JAZF1: variants seen among roughly 807,000 people sequenced by gnomAD.
JAZF1 encodes JAZF zinc finger 1.
A neutral mutation model predicts 26.4 loss-of-function variants in JAZF1; 8 were observed. That is an observed-to-expected ratio of 0.30 (90% CI 0.18 to 0.55). The LOEUF is 0.55. JAZF1 is among the 20% of genes least tolerant of loss of function. JAZF1 has a pLI of 0.94. For missense variants in JAZF1, 199 were observed against 322.0 expected, an observed-to-expected ratio of 0.62 and a Z score of 2.92; for synonymous variants, 126 against 122.3, an observed-to-expected ratio of 1.03 and a Z score of -0.20.
At chr7:27,946,804 G>C (rs887840689) in intron 2 of JAZF1, among the ~76,000 whole-genome samples, 5 of 152,198 alleles carry the variant, frequency 3.3e-5, no homozygotes, top group Non-Finnish European at 7.3e-5. Context: ...ATAGAGTTCT[G>C]AATCCAAAGG....
intron 3 of JAZF1, among the ~76,000 whole-genome samples, chr7:27,868,409 C>T (rs1267391029): frequency 2.0e-5 from 3 of 152,236 alleles, no homozygotes; most frequent in African/African-American, 7.2e-5. Context: ...GCTTCTCCCG[C>T]TCCCATCCCC....
chr7:28,013,099 T>C (rs1298853790), intron 1 of JAZF1, among the ~76,000 whole-genome samples: 1 of 152,178 alleles, frequency 6.6e-6, no homozygotes, highest in African/African-American at 2.4e-5. Context: ...CTCCTTGCTA[T>C]AGCCCCAGTG....
chr7:27,880,849 G>A (rs1223455785), intron 3 of JAZF1, among the ~76,000 whole-genome samples: 1 of 152,086 alleles, frequency 6.6e-6, no homozygotes, highest in Non-Finnish European at 1.5e-5. Context: ...ACAGTTATTT[G>A]CAGAGACAGG....
At chr7:28,061,431 T>C (rs185074829) in intron 1 of JAZF1, among the ~76,000 whole-genome samples, 13 of 152,346 alleles carry the variant, frequency 8.5e-5, no homozygotes, top group African/African-American at 3.1e-4. Context: ...TGCATAACAA[T>C]GAATGGCAGA....
chr7:27,836,373 A>G (rs1341476665), intron 4 of JAZF1, among the ~76,000 whole-genome samples: 1 of 152,196 alleles, frequency 6.6e-6, no homozygotes, highest in East Asian at 1.9e-4. Flanking sequence ...GCCAGTCAAT[A>G]GACAGCAGGC....
intron 1 of JAZF1, among the ~76,000 whole-genome samples, chr7:28,034,910 A>G (rs1377407982): frequency 6.6e-6 from 1 of 152,174 alleles, no homozygotes; most frequent in Non-Finnish European, 1.5e-5. Flanking sequence ...ATTTTTTACT[A>G]TCCTGTATAT....
chr7:27,957,200 C>A (rs6968362), intron 2 of JAZF1, among the ~76,000 whole-genome samples: 1 of 152,200 alleles, frequency 6.6e-6, no homozygotes, highest in African/African-American at 2.4e-5. Flanking sequence ...GAACAGCAGC[C>A]AGACCCTGAC....
intron 1 of JAZF1, among the ~76,000 whole-genome samples, chr7:28,119,730 T>C (rs1316866416): frequency 6.6e-6 from 1 of 152,224 alleles, no homozygotes; most frequent in Non-Finnish European, 1.5e-5. Context: ...ATTAATCATT[T>C]CATTAACTCA....
chr7:27,851,250 A>C (rs1376385242), intron 3 of JAZF1, among the ~76,000 whole-genome samples: 1 of 152,256 alleles, frequency 6.6e-6, no homozygotes, highest in Non-Finnish European at 1.5e-5. Flanking sequence ...GCCTAAAATA[A>C]AATGTTCTAA....
intron 4 of JAZF1, 26 bp from the exon 5 acceptor site, chr7:27,833,002 T>TA: frequency 6.6e-7 from 1 of 1,518,512 alleles, no homozygotes; most frequent in Non-Finnish European, 8.9e-7. Context: ...AAATATTTAT[T>TA]ACATGGATTC....
At position 28,154,104 on chromosome 7, in the gene JAZF1, T is replaced by G. The variant is rs911821004; in HGVS notation, c.115+26359A>C. On this transcript the variant is annotated intron_variant, in intron 1 of 4. Transcript: ENST00000283928. ...CCCCTAACAAAGCCTCCCCGAAGTT[T>G]TGGGGACTGCTGTCCTCCTTGACTG... Among the ~76,000 whole-genome samples the G allele has an allele frequency of 3.9e-5, 6 of 152,306 alleles. No individual in the cohort carries two copies. In the South Asian group the frequency reaches 1.2e-3, roughly 32 times the overall value.
At chr7:27,881,247 T>C (rs879937030) in intron 3 of JAZF1, among the ~76,000 whole-genome samples, 3 of 152,160 alleles carry the variant, frequency 2.0e-5, no homozygotes, top group Admixed American at 6.5e-5. Flanking sequence ...CAGTAGCCCA[T>C]CTAGCCCTTC....
chr7:28,057,373 C>T (rs1783729086), intron 1 of JAZF1, among the ~76,000 whole-genome samples: 1 of 152,012 alleles, frequency 6.6e-6, no homozygotes, highest in Non-Finnish European at 1.5e-5. Flanking sequence ...GCAAACAAGC[C>T]CAAGGCATGT....
intron 1 of JAZF1, among the ~76,000 whole-genome samples, chr7:28,044,628 A>T (rs1783462602): frequency 6.6e-6 from 1 of 152,212 alleles, no homozygotes; most frequent in African/African-American, 2.4e-5. Context: ...GGAAAAAAAA[A>T]TCCCACAAAA....
At chr7:27,905,774 T>C (rs1784244874) in intron 2 of JAZF1, among the ~76,000 whole-genome samples, 1 of 152,018 alleles carries the variant, frequency 6.6e-6, no homozygotes, top group Admixed American at 6.5e-5. Context: ...TAACATAAAA[T>C]ATAGGAAGAG....
At chr7:27,863,747 T>A (rs1340983152) in intron 3 of JAZF1, 2 of 152,228 alleles carry the variant, frequency 1.3e-5, no homozygotes, top group Non-Finnish European at 1.5e-5. Flanking sequence ...CAGGCCACTG[T>A]CTTGTGACTA....
At chr7:28,119,570 C>A (rs191586251) in intron 1 of JAZF1, among the ~76,000 whole-genome samples, 1 of 152,306 alleles carries the variant, frequency 6.6e-6, no homozygotes, top group Non-Finnish European at 1.5e-5. Context: ...CCTGTGCCCA[C>A]TTTATGACAT....
chr7:28,001,122 G>A (rs553741413), intron 1 of JAZF1, among the ~76,000 whole-genome samples: 113 of 152,042 alleles, frequency 7.4e-4, no homozygotes, highest in African/African-American at 2.6e-3. Context: ...GGGAGGCCAA[G>A]GCAGGCAAAT....
chr7:28,167,373 C>G (rs375265198), intron 1 of JAZF1, among the ~76,000 whole-genome samples: 2 of 152,206 alleles, frequency 1.3e-5, no homozygotes, highest in African/African-American at 4.8e-5. Flanking sequence ...TATGTGCATA[C>G]TATCACCCCA....
Sources: allele counts gnomAD v4.1 joint callset (sites outside exome capture counted in the v4.1 genomes callset), GRCh38; gene constraint gnomAD v4.1.1; transcripts MANE v1.5; gene names NCBI Gene and HGNC (gene_info 2026-07-23, HGNC 2026-07-21).